The following ROBO2 variants were observed in gnomAD, a reference collection of about 807,000 sequenced individuals.
ROBO2 encodes the protein roundabout homolog 2.
A neutral mutation model predicts 160.8 loss-of-function variants in ROBO2; 53 were observed. The observed-to-expected ratio is 0.33, with a 90% confidence interval of 0.26 to 0.41. The LOEUF (loss-of-function observed/expected upper bound fraction) is 0.41, where lower values mean the gene tolerates loss of function less well. Among genes scored for constraint, ROBO2 ranks in the 10% least tolerant of loss-of-function variants. The pLI is 1.00. For missense variants in ROBO2, 1,577 were observed against 1,722.4 expected, an observed-to-expected ratio of 0.92 and a Z score of 1.49; for synonymous variants, 664 against 611.7, an observed-to-expected ratio of 1.09 and a Z score of -1.26.
chr3:75,922,727 C>T (rs1947119771), intron 1 of ROBO2, among the ~76,000 whole-genome samples: 2 of 152,044 alleles, frequency 1.3e-5, no homozygotes. Context: ...TAAATATATA[C>T]ATCCAAAAAC....
intron 2 of ROBO2, among the ~76,000 whole-genome samples, chr3:76,750,494 A>G (rs1420258032): frequency 6.6e-6 from 1 of 152,178 alleles, no homozygotes; most frequent in African/African-American, 2.4e-5. Flanking sequence ...TTAGGAAAAG[A>G]GGAAGTCAAA....
chr3:77,026,217 C>G (rs548356212), intron 2 of ROBO2, among the ~76,000 whole-genome samples: 1 of 152,036 alleles, frequency 6.6e-6, no homozygotes, highest in Non-Finnish European at 1.5e-5. Flanking sequence ...AAATTTTGAC[C>G]TTTGTGATAT....
chr3:76,702,181 C>T (rs2597260), intron 2 of ROBO2, among the ~76,000 whole-genome samples: 55,461 of 151,688 alleles, frequency 0.37, 10,576 homozygotes, highest in East Asian at 0.56. Context: ...AAATTAGAAA[C>T]ATAATTGCTT....
At chr3:77,107,157 G>A (rs2072918146) in intron 2 of ROBO2, among the ~76,000 whole-genome samples, 1 of 152,174 alleles carries the variant, frequency 6.6e-6, no homozygotes, top group African/African-American at 2.4e-5. Flanking sequence ...AAGGTGAAAG[G>A]CACTAATCCC....
At chr3:75,986,428 C>G (rs1199653216) in intron 2 of ROBO2, among the ~76,000 whole-genome samples, 3 of 150,902 alleles carry the variant, frequency 2.0e-5, no homozygotes, top group Non-Finnish European at 4.4e-5. Flanking sequence ...TTAAAAATTC[C>G]CTATCTATTC....
chr3:77,248,674 G>A (rs2090007596), intron 2 of ROBO2, among the ~76,000 whole-genome samples: 2 of 152,078 alleles, frequency 1.3e-5, no homozygotes, highest in Admixed American at 6.5e-5. Flanking sequence ...AGTCCAGCGC[G>A]AAAGCAGCCA....
intron 2 of ROBO2, among the ~76,000 whole-genome samples, chr3:76,221,660 A>G (rs925340486): frequency 3.3e-5 from 5 of 152,194 alleles, no homozygotes; most frequent in Non-Finnish European, 7.3e-5. Context: ...CTGAATTCAA[A>G]AGACCCTTTT....
At chr3:76,983,281 C>T (rs769356154) in intron 2 of ROBO2, among the ~76,000 whole-genome samples, 60 of 151,046 alleles carry the variant, frequency 4.0e-4, no homozygotes, top group Non-Finnish European at 5.8e-4. Context: ...AGTGAGACTC[C>T]GTCTCAAAAA....
At chr3:77,160,827 T>G (rs1232541030) in intron 2 of ROBO2, among the ~76,000 whole-genome samples, 1 of 152,182 alleles carries the variant, frequency 6.6e-6, no homozygotes, top group Non-Finnish European at 1.5e-5. Context: ...CCAGAAATAA[T>G]GAGACTGTAA....
intron 2 of ROBO2, among the ~76,000 whole-genome samples, chr3:76,541,052 G>A (rs1301753720): frequency 6.6e-6 from 1 of 152,066 alleles, no homozygotes; most frequent in Non-Finnish European, 1.5e-5. Flanking sequence ...TGCCCGCCTC[G>A]GCCTCCCAGA....
At chr3:76,045,352 G>A (rs1173435117) in intron 2 of ROBO2, among the ~76,000 whole-genome samples, 3 of 151,940 alleles carry the variant, frequency 2.0e-5, no homozygotes, top group Admixed American at 1.3e-4. Context: ...ACATTCCACT[G>A]TGGAATGGAC....
chr3:76,456,552 G>A (rs1013153031), intron 2 of ROBO2, among the ~76,000 whole-genome samples: 11 of 152,128 alleles, frequency 7.2e-5, no homozygotes, highest in African/African-American at 2.4e-4. Context: ...TCTTTAAGAC[G>A]GTGGTCAGAT....
chr3:77,536,353 A>C (rs921984592), intron 6 of ROBO2, among the ~76,000 whole-genome samples: 4 of 151,870 alleles, frequency 2.6e-5, no homozygotes, highest in Admixed American at 1.3e-4. Flanking sequence ...AACTTAATCT[A>C]AAAGAACAAA....
At chr3:77,123,363 C>T (rs1042862771) in intron 2 of ROBO2, among the ~76,000 whole-genome samples, 4 of 152,204 alleles carry the variant, frequency 2.6e-5, no homozygotes, top group Admixed American at 2.6e-4. Flanking sequence ...AGTTTTGCTT[C>T]TCTGGCTATA....
intron 14 of ROBO2, 75 bp from the exon 16 acceptor site, chr3:77,577,415 A>G: frequency 6.3e-7 from 1 of 1,592,110 alleles, no homozygotes; most frequent in South Asian, 1.1e-5. Context: ...TTGTCTTTAT[A>G]CTCATATTCT....
chr3:76,496,840 C>T (rs941510944), intron 2 of ROBO2, among the ~76,000 whole-genome samples: 1 of 152,196 alleles, frequency 6.6e-6, no homozygotes, highest in African/African-American at 2.4e-5. Flanking sequence ...TATTATATGG[C>T]ATCCCAATCC....
At chr3:77,453,295 G>A (rs1177724859) in intron 2 of ROBO2, among the ~76,000 whole-genome samples, 1 of 151,900 alleles carries the variant, frequency 6.6e-6, no homozygotes, top group African/African-American at 2.4e-5. Flanking sequence ...TGGCTTTGAG[G>A]CACAGAGTTA....
intron 2 of ROBO2, among the ~76,000 whole-genome samples, chr3:76,641,316 C>G (rs1457618809): frequency 6.6e-6 from 1 of 152,120 alleles, no homozygotes; most frequent in Non-Finnish European, 1.5e-5. Context: ...ATAGCAATAT[C>G]AGGTACTCTT....
intron 2 of ROBO2, among the ~76,000 whole-genome samples, chr3:77,125,559 A>G (rs1035617481): frequency 3.3e-5 from 5 of 152,194 alleles, no homozygotes; most frequent in Non-Finnish European, 1.5e-5. Flanking sequence ...TCAGTGAAAG[A>G]AGACAAACGC....
Sources: gnomAD v4.1 joint callset for allele counts (sites outside exome capture counted in the v4.1 genomes callset) on GRCh38, gnomAD v4.1.1 for gene constraint, MANE v1.5 for transcripts, NCBI Gene and HGNC (gene_info 2026-07-23, HGNC 2026-07-21) for gene names.